The following ANKS1B variants were observed in gnomAD, a reference collection of about 807,000 sequenced individuals.
The protein encoded by ANKS1B is ankyrin repeat and sterile alpha motif domain-containing protein 1B.
ANKS1B carries 36 observed loss-of-function variants against 148.3 expected under a neutral mutation model. That is an observed-to-expected ratio of 0.24 (90% confidence interval 0.19 to 0.32). The LOEUF is 0.32. Ranked by LOEUF, ANKS1B falls within the 10% of genes least tolerant of loss-of-function variation. The pLI, the probability that ANKS1B is intolerant of heterozygous loss-of-function variation, is 1.00. For missense variants in ANKS1B, 1,157 were observed against 1,542.6 expected, an observed-to-expected ratio of 0.75 and a Z score of 4.19; for synonymous variants, 542 against 560.8, an observed-to-expected ratio of 0.97 and a Z score of 0.47.
At chr12:99,870,047 A>C (rs2091300199) in intron 1 of ANKS1B, among the ~76,000 whole-genome samples, 1 of 152,170 alleles carries the variant, frequency 6.6e-6, no homozygotes, top group Admixed American at 6.6e-5. Flanking sequence ...CCTATCACTC[A>C]GGTAGTGAGC....
intron 22 of ANKS1B, among the ~76,000 whole-genome samples, chr12:98,788,262 C>CA (rs545240585): frequency 0.47 from 54,481 of 115,162 alleles, 10,870 homozygotes; most frequent in Middle Eastern, 0.54. Flanking sequence ...AGAAAACAGA[C>CA]AAAAAAAAAA....
At chr12:99,321,640 C>T (rs146450249) in intron 12 of ANKS1B, among the ~76,000 whole-genome samples, 254 of 152,284 alleles carry the variant, frequency 1.7e-3, no homozygotes, top group African/African-American at 5.9e-3. Context: ...ATTCCCCAAC[C>T]CCTTGCACTT....
At chr12:99,706,998 A>G (rs2055894907) in intron 8 of ANKS1B, among the ~76,000 whole-genome samples, 1 of 152,286 alleles carries the variant, frequency 6.6e-6, no homozygotes, top group South Asian at 2.1e-4. Context: ...CATGAAACAC[A>G]GGACCCAAGC....
At chr12:99,250,017 G>A (rs376069710) in intron 12 of ANKS1B, among the ~76,000 whole-genome samples, 2 of 152,208 alleles carry the variant, frequency 1.3e-5, no homozygotes, top group Admixed American at 6.5e-5. Context: ...TCATTGATCC[G>A]AGAGGCATGC....
At chr12:98,793,737 C>G (rs753887406) in intron 22 of ANKS1B, among the ~76,000 whole-genome samples, 1 of 152,118 alleles carries the variant, frequency 6.6e-6, no homozygotes, top group Non-Finnish European at 1.5e-5. Context: ...GATTAGAGAA[C>G]GTAAGACTGC....
intron 15 of ANKS1B, among the ~76,000 whole-genome samples, chr12:99,107,781 G>T (rs1252785745): frequency 6.6e-6 from 1 of 152,164 alleles, no homozygotes; most frequent in Admixed American, 6.6e-5. Flanking sequence ...GCAATAATGA[G>T]ATGAATTCCT....
intron 2 of ANKS1B, among the ~76,000 whole-genome samples, chr12:99,823,931 C>G (rs576278703): frequency 6.6e-6 from 1 of 152,208 alleles, no homozygotes; most frequent in Admixed American, 6.5e-5. Flanking sequence ...GTTCTCTAAC[C>G]TGTTTATTGG....
Position 99,605,419 on chromosome 12 carries a change from T to G in ANKS1B, c.1272+49648A>C, listed in dbSNP as rs559868365. Among the ~76,000 whole-genome samples, 13 of 152,120 alleles carry G rather than the reference T, an allele frequency of 8.5e-5. 1 individual carries two copies. In the South Asian group the frequency reaches 2.7e-3, roughly 32 times the overall value. On this transcript the variant is annotated intron_variant, in intron 9 of 26. Transcript: ENST00000683438. ...ATCATTCTACTGTGCAATGGAATAC[T>G]GGAAATTATTCATCCTATCTAGTTG...
At chr12:99,360,084 A>G (rs1355695604) in intron 12 of ANKS1B, among the ~76,000 whole-genome samples, 1 of 152,128 alleles carries the variant, frequency 6.6e-6, no homozygotes, top group Non-Finnish European at 1.5e-5. Context: ...TCTACTTTGA[A>G]TTGGAATTTT....
At chr12:99,048,576 C>T (rs2153517549) in intron 17 of ANKS1B, 1 of 152,656 alleles carries the variant, frequency 6.6e-6, no homozygotes, top group Admixed American at 6.5e-5. Context: ...AATTCTATCC[C>T]AGTTTAGGTC....
intron 8 of ANKS1B, among the ~76,000 whole-genome samples, chr12:99,691,979 T>C (rs1327134057): frequency 2.0e-5 from 3 of 152,194 alleles, no homozygotes; most frequent in Non-Finnish European, 4.4e-5. Context: ...AACTGGGGTA[T>C]GGTGGGCATT....
chr12:98,770,616 G>T (rs1224545470), intron 25 of ANKS1B, among the ~76,000 whole-genome samples: 6 of 144,470 alleles, frequency 4.2e-5, no homozygotes, highest in East Asian at 2.0e-4. Flanking sequence ...GGAAGGGTTT[G>T]TTTTTTTTTT....
At chr12:99,495,707 A>G (rs1164309443) in intron 10 of ANKS1B, among the ~76,000 whole-genome samples, 1 of 152,232 alleles carries the variant, frequency 6.6e-6, no homozygotes, top group East Asian at 1.9e-4. Flanking sequence ...ATGGGGCTCA[A>G]AAATAGTTTG....
Position 99,763,211 on chromosome 12 carries a change from T to G in ANKS1B, c.1128+9711A>C, listed in dbSNP as rs556993951. Among the ~76,000 whole-genome samples the G allele has an allele frequency of 4.6e-4, 70 of 152,258 alleles. No individual in the cohort carries two copies. In the South Asian group the frequency reaches 0.015, roughly 32 times the overall value. On this transcript the variant is annotated intron_variant, in intron 8 of 26. Transcript: ENST00000683438. Reference sequence around the variant, plus strand: ...TCCACGTATGCTCATTGCAGCACTTTTCACAACAGCAAAGACATGGAATCA... The same window carrying G: ...TCCACGTATGCTCATTGCAGCACTTGTCACAACAGCAAAGACATGGAATCA...
chr12:99,274,707 A>G (rs764837873), intron 12 of ANKS1B, among the ~76,000 whole-genome samples: 1 of 152,258 alleles, frequency 6.6e-6, no homozygotes, highest in Non-Finnish European at 1.5e-5. Flanking sequence ...CTATAATATG[A>G]CATGATAATA....
intron 12 of ANKS1B, among the ~76,000 whole-genome samples, chr12:99,301,999 T>G (rs1467950853): frequency 6.6e-6 from 1 of 152,066 alleles, no homozygotes; most frequent in African/African-American, 2.4e-5. Flanking sequence ...GGGAGAAGTG[T>G]GTACAGTAGA....
intron 22 of ANKS1B, among the ~76,000 whole-genome samples, chr12:98,792,789 T>C (rs1227490293): frequency 1.3e-5 from 2 of 152,234 alleles, no homozygotes; most frequent in Non-Finnish European, 2.9e-5. Context: ...AATTTCATTC[T>C]TTTTCTTTCC....
intron 16 of ANKS1B, among the ~76,000 whole-genome samples, chr12:99,068,805 A>G (rs1201218509): frequency 6.6e-6 from 1 of 152,074 alleles, no homozygotes; most frequent in Non-Finnish European, 1.5e-5. Flanking sequence ...CCTAGCAGGC[A>G]CAGGCAGCAT....
intron 9 of ANKS1B, among the ~76,000 whole-genome samples, chr12:99,618,953 A>C (rs1269094215): frequency 2.6e-5 from 4 of 152,012 alleles, no homozygotes; most frequent in Admixed American, 1.3e-4. Context: ...CTGGAATTGT[A>C]CTCTACCCTG....
Sources: allele counts gnomAD v4.1 joint callset (sites outside exome capture counted in the v4.1 genomes callset), GRCh38; gene constraint gnomAD v4.1.1; transcripts MANE v1.5; gene names NCBI Gene and HGNC (gene_info 2026-07-23, HGNC 2026-07-21).